ATOH8: variants seen among roughly 807,000 people sequenced by gnomAD.
ATOH8 encodes the protein transcription factor ATOH8.
A neutral mutation model predicts 21.2 loss-of-function variants in ATOH8; 9 were observed. That is an observed-to-expected ratio of 0.42 (90% confidence interval 0.26 to 0.74). The LOEUF is 0.74. Ranked by LOEUF, ATOH8 falls within the 30% of genes least tolerant of loss-of-function variation. The pLI is 0.24. For synonymous variants in ATOH8, 253 were observed against 224.0 expected (o/e 1.13, Z -1.16); for missense variants, 524 against 470.9 (o/e 1.11, Z -1.04).
chr2:85,759,086 G>C (rs563340681), intron 1 of ATOH8, among the ~76,000 whole-genome samples: 1 of 152,318 alleles, frequency 6.6e-6, no homozygotes, highest in South Asian at 2.1e-4. Context: ...AAGCACCTGG[G>C]GCCCGGGCTA....
At chr2:85,759,417 TG>T (rs1679802784) in intron 1 of ATOH8, among the ~76,000 whole-genome samples, 1 of 152,144 alleles carries the variant, frequency 6.6e-6, no homozygotes, top group African/African-American at 2.4e-5. Flanking sequence ...GAGCCTGCTG[TG>T]GGATGTCCGT....
In ATOH8 at chr2:85,788,564, A is replaced by G. The variant is rs1027600547; in HGVS notation, c.*1674A>G. Among the ~76,000 whole-genome samples the G allele has an allele frequency of 6.6e-6, 1 of 152,168 alleles. No homozygotes were observed. The highest frequency in any genetic ancestry group is 1.5e-5 in the Non-Finnish European group (1 of 68,030). On this transcript the variant is annotated 3_prime_UTR_variant, in exon 3 of 3. Coordinates refer to ENST00000306279, the MANE Select transcript of ATOH8 (RefSeq NM_032827.7). ...AGCGGGCCTAAGGTAGGGACAATAA[A>G]GGCCCATTGGGACTGGGGGAAGGGG...
In ATOH8 at chr2:85,766,614, C is replaced by G. The variant is rs1573526948; in HGVS notation, c.960+2432C>G. Among the ~76,000 whole-genome samples the G allele has an allele frequency of 6.6e-6, 1 of 152,206 alleles. No individual in the cohort carries two copies. Among genetic ancestry groups the G allele is most frequent in the East Asian group, 1.9e-4 (1 of 5,188 alleles). On this transcript the variant is annotated intron_variant, in intron 2 of 2. Coordinates refer to ENST00000306279, the MANE Select transcript of ATOH8 (RefSeq NM_032827.7). The surrounding 1 kb of genome is among the most constrained non-coding windows in gnomAD (Gnocchi z 4.0). ...ATACCAGCCCCTTCCATAGTTTTATCTGGACGACCAGGATTTGACACGGCA... is the reference window on the plus strand; with the variant it reads ...ATACCAGCCCCTTCCATAGTTTTATGTGGACGACCAGGATTTGACACGGCA...
intron 1 of ATOH8, among the ~76,000 whole-genome samples, chr2:85,756,041 G>A (rs1443157976): frequency 6.6e-6 from 1 of 151,364 alleles, no homozygotes; most frequent in African/African-American, 2.4e-5. Context: ...TCCTCTTCCT[G>A]CTGGGGGTTG....
rs780992583 is a variant in ATOH8 at position 85,791,305 on chromosome 2, G to T, written c.*4415G>T. 1.3e-5 allele frequency among the ~76,000 whole-genome samples: 2 copies of T among 152,184 alleles called. No individual in the cohort carries two copies. The highest frequency in any genetic ancestry group is 4.8e-5 in the African/African-American group (2 of 41,444). On this transcript the variant is annotated 3_prime_UTR_variant, in exon 3 of 3. Transcript: ENST00000306279. ...GGATCTAATTCAACCCCTGATCCTCGAAACGGCTTTCTTGCAAAGTGTATA... is the reference window on the plus strand; with the variant it reads ...GGATCTAATTCAACCCCTGATCCTCTAAACGGCTTTCTTGCAAAGTGTATA...
At chr2:85,783,085 C>T (rs1401526309) in intron 2 of ATOH8, among the ~76,000 whole-genome samples, 5 of 152,180 alleles carry the variant, frequency 3.3e-5, no homozygotes, top group Non-Finnish European at 5.9e-5. Flanking sequence ...CCTCGTGGAG[C>T]TGGCATTCTG....
chr2:85,789,061 C>T lies in ATOH8; in HGVS notation c.*2171C>T, dbSNP rs1225344126. ...ACCCTGATGGCACTTCCTAAGGCAG[C>T]AGGACATGTGGACTGACCAGCATCA... On this transcript the variant is annotated 3_prime_UTR_variant, in exon 3 of 3. Coordinates refer to ENST00000306279, the MANE Select transcript of ATOH8 (RefSeq NM_032827.7). 6.6e-6 allele frequency among the ~76,000 whole-genome samples: 1 copy of T among 152,184 alleles called. No homozygotes were observed. The highest frequency in any genetic ancestry group is 1.5e-5 in the Non-Finnish European group (1 of 68,030).
At chr2:85,774,262 A>G (rs1310986416) in intron 2 of ATOH8, 2 of 985,280 alleles carry the variant, frequency 2.0e-6, no homozygotes, top group Admixed American at 6.1e-5. Flanking sequence ...TTGCTTTTGA[A>G]CTCTGAGGCT....
chr2:85,780,961 C>G, intron 2 of ATOH8: 1 of 987,742 alleles, frequency 1.0e-6, no homozygotes, highest in Non-Finnish European at 1.2e-6. Flanking sequence ...ATACTTGCTT[C>G]CAGGTCCCTG....
rs1323922441 is a variant in ATOH8 at position 85,757,800 on chromosome 2, T to C, written c.768+2843T>C. 4.0e-5 allele frequency among the ~76,000 whole-genome samples: 6 copies of C among 151,732 alleles called. No individual in the cohort carries two copies. The East Asian group carries it at 1.2e-3, about 29-fold the overall frequency. On this transcript the variant is annotated intron_variant, in intron 1 of 2. Transcript: ENST00000306279. ...TCTTTCATTTCATTTTTTTTTTTTT[T>C]TTTGAGACAGAGTCTCTTTCTGTTG... is the stretch of plus-strand genomic sequence containing the variant.
Position 85,754,697 on chromosome 2 carries a change from G to T in ATOH8, c.508G>T (p.Ala170Ser). 14 of 1,606,352 alleles carry T rather than the reference G, an allele frequency of 8.7e-6. No homozygotes were observed. Among genetic ancestry groups the T allele is most frequent in the Non-Finnish European group, 1.2e-5 (14 of 1,176,892 alleles). Residue 170 changes from alanine (A) to serine (S), a missense_variant, in exon 1 of 3, where the codon GCA (alanine) becomes TCA (serine). Coordinates refer to ENST00000306279, the MANE Select transcript of ATOH8 (RefSeq NM_032827.7). ...GCGCCCCGCGCCGTCAGCACCCCCAGCACCGCCAGCGCCCCCGGAGTCCAC... is the reference window on the plus strand; with the variant it reads ...GCGCCCCGCGCCGTCAGCACCCCCATCACCGCCAGCGCCCCCGGAGTCCAC... ...PARPAPSAPP[A>S]PPAPPESTVR...
rs182944975 is a variant in ATOH8, at chr2:85,768,085, T to C, written c.960+3903T>C. The stretch of plus-strand genomic sequence containing the variant: ...GGGCCCAGTTTGAGTCTGAATGATA[T>C]TACGAGTGTGTAGTTTCTCTGTGAG... On this transcript the variant is annotated intron_variant, in intron 2 of 2. Coordinates refer to ENST00000306279, the MANE Select transcript of ATOH8 (RefSeq NM_032827.7). Among the ~76,000 whole-genome samples the C allele has an allele frequency of 1.3e-3, 199 of 152,238 alleles. 1 individual carries two copies. The highest frequency in any genetic ancestry group is 4.7e-3 in the African/African-American group (195 of 41,484).
intron 1 of ATOH8, among the ~76,000 whole-genome samples, chr2:85,762,293 G>A (rs150646168): frequency 6.6e-6 from 1 of 152,290 alleles, no homozygotes; most frequent in East Asian, 1.9e-4. Flanking sequence ...TTGAATCCAC[G>A]TGACAAAAAG....
At chr2:85,759,943 T>C (rs774506421) in intron 1 of ATOH8, among the ~76,000 whole-genome samples, 6 of 152,146 alleles carry the variant, frequency 3.9e-5, no homozygotes, top group Non-Finnish European at 7.4e-5. Context: ...CATTTGCTCC[T>C]GCGATCTCAT....
rs1680600449 is a variant in ATOH8, at chr2:85,785,436, T to A, written c.961-1449T>A. Reference sequence around the variant, plus strand: ...TGCTCCCGCCTCTCACTTTTCCTTTTCTCCCTCCTGAGCCACTATTAGCTG... The same window carrying A: ...TGCTCCCGCCTCTCACTTTTCCTTTACTCCCTCCTGAGCCACTATTAGCTG... On this transcript the variant is annotated intron_variant, in intron 2 of 2. Coordinates refer to ENST00000306279, the MANE Select transcript of ATOH8 (RefSeq NM_032827.7). This position sits in a 1 kb window ranked among gnomAD's most constrained non-coding sequence, Gnocchi z 4.1. 6.6e-6 allele frequency among the ~76,000 whole-genome samples: 1 copy of A among 152,196 alleles called. No individual in the cohort carries two copies. Among genetic ancestry groups the A allele is most frequent in the Admixed American group, 6.5e-5 (1 of 15,286 alleles).
intron 1 of ATOH8, among the ~76,000 whole-genome samples, chr2:85,756,506 A>T (rs747522853): frequency 7.9e-5 from 12 of 152,158 alleles, no homozygotes; most frequent in Non-Finnish European, 1.6e-4. Flanking sequence ...GCTGGCACCT[A>T]GGGGCTTTGA....
chr2:85,772,923 C>A (rs779053449), intron 2 of ATOH8: 3 of 414,948 alleles, frequency 7.2e-6, no homozygotes, highest in African/African-American at 2.1e-5. Context: ...CCTGACACTG[C>A]GGAACTTTTC....
chr2:85,757,299 C>T (rs13425161), intron 1 of ATOH8, among the ~76,000 whole-genome samples: 3,761 of 152,358 alleles, frequency 0.025, 144 homozygotes, highest in African/African-American at 0.083. Flanking sequence ...GGCACCCATT[C>T]GATAGAGGAA....
chr2:85,760,276 G>A (rs1573522355), intron 1 of ATOH8, among the ~76,000 whole-genome samples: 1 of 151,972 alleles, frequency 6.6e-6, no homozygotes, highest in African/African-American at 2.4e-5. Context: ...GGGAGTGGGA[G>A]CCAGGTAATT....
Sources: gnomAD v4.1 joint callset for allele counts (sites outside exome capture counted in the v4.1 genomes callset) on GRCh38, gnomAD v4.1.1 for gene constraint, Gnocchi (gnomAD v3.1) non-coding constraint, MANE v1.5 for transcripts, NCBI Gene and HGNC (gene_info 2026-07-23, HGNC 2026-07-21) for gene names.